Variants in DST observed in about 807,000 individuals in gnomAD.
The protein encoded by DST is dystonin.
DST carries 253 observed loss-of-function variants against 875.2 expected under a neutral mutation model. The observed-to-expected ratio is 0.29, with a 90% CI of 0.26 to 0.32. The LOEUF (loss-of-function observed/expected upper bound fraction) is 0.32. DST is among the 10% of genes least tolerant of loss of function. The pLI, the probability that DST is intolerant of heterozygous loss-of-function variation, is 1.00. For missense variants in DST, 8,287 were observed against 9,111.6 expected, an observed-to-expected ratio of 0.91 and a Z score of 3.68; for synonymous variants, 3,124 against 3,197.1, an observed-to-expected ratio of 0.98 and a Z score of 0.77.
intron 55 of DST, among the ~76,000 whole-genome samples, chr6:56,566,273 T>C (rs367621983): frequency 2.7e-4 from 41 of 152,304 alleles, no homozygotes; most frequent in Middle Eastern, 3.4e-3. Context: ...GCTAGCTTGG[T>C]GTCCGCCCAA....
intron 28 of DST, 144 bp from the exon 29 acceptor site, chr6:56,632,184 G>A: frequency 6.7e-6 from 4 of 597,956 alleles, no homozygotes; most frequent in Middle Eastern, 4.4e-4. Context: ...CCCATTCTAA[G>A]GATATAAATC....
At chr6:56,863,624 T>A (rs1296451435) in intron 3 of DST, among the ~76,000 whole-genome samples, 4 of 152,146 alleles carry the variant, frequency 2.6e-5, no homozygotes, top group African/African-American at 9.7e-5. Context: ...AAATATTGCT[T>A]GGGTGTTTTT....
chr6:56,843,006 C>T (rs757561983), intron 4 of DST: 37 of 1,347,894 alleles, frequency 2.7e-5, no homozygotes, highest in Non-Finnish European at 3.5e-5. Flanking sequence ...CAGCGGTTGC[C>T]TCTCTGATCA....
chr6:56,530,695 G>T (rs745866173), intron 64 of DST, among the ~76,000 whole-genome samples: 23 of 152,094 alleles, frequency 1.5e-4, no homozygotes, highest in Non-Finnish European at 2.9e-4. Flanking sequence ...ATATTTTATG[G>T]ATTAAAATAT....
chr6:56,515,441 C>G lies in DST; in HGVS notation c.18576+9G>C. ...GGGAATACAATATTCTCTTTCACACCAGGCTTACCCGATGTTCTTCCTGCT... is the reference window on the plus strand; with the variant it reads ...GGGAATACAATATTCTCTTTCACACGAGGCTTACCCGATGTTCTTCCTGCT... On this transcript the variant is annotated intron_variant, in intron 72 of 103. Transcript: ENST00000680361. 1 of 1,613,362 alleles carries G rather than the reference C, an allele frequency of 6.2e-7. No homozygotes were observed. The highest frequency in any genetic ancestry group is 8.5e-7 in the Non-Finnish European group (1 of 1,179,536).
intron 98 of DST, 87 bp downstream of exon 98, chr6:56,468,895 G>T: frequency 9.1e-7 from 1 of 1,098,822 alleles, no homozygotes; most frequent in Non-Finnish European, 1.3e-6. Context: ...GCATGGGAAA[G>T]ATTGGCCATG....
At chr6:56,630,405 T>C (rs755816759) in intron 30 of DST, 22 bp from the exon 31 acceptor site, 20 of 1,605,680 alleles carry the variant, frequency 1.2e-5, no homozygotes, top group Middle Eastern at 3.9e-4. Flanking sequence ...AATTAAACAA[T>C]AGCCACCTAT....
chr6:56,686,109 C>A (rs1012876888), intron 9 of DST, among the ~76,000 whole-genome samples: 2 of 152,194 alleles, frequency 1.3e-5, no homozygotes, highest in Non-Finnish European at 2.9e-5. Flanking sequence ...TAGAATACTA[C>A]ACAGCCATAA....
rs778084031 is a variant in DST, at chr6:56,605,804, C to G, written c.8824G>C (p.Asp2942His). 3.7e-6 allele frequency: 6 copies of G among 1,612,412 alleles called. No homozygotes were observed. In the Admixed American group the frequency reaches 6.7e-5, roughly 18 times the overall value. The change falls in exon 40 of 104, where the codon GAT becomes CAT. Residue 2942 changes from aspartate to histidine, a missense_variant. Asp to His is a moderately conservative substitution (Grantham distance 81). This residue lies in a region of DST where 3,138 missense variants were observed against 3,116.6 expected (regional missense o/e 1.01). Coordinates refer to ENST00000680361, the MANE Select transcript of DST (RefSeq NM_001374736.1). ...KTFGPASISH[D>H]NNNISSTSEL... ...GAAGTTGAACTGATATTATTATTAT[C>G]ATGTGAAATACTTGCAGGGCCAAAA...
Position 56,619,466 on chromosome 6 carries a change from C to A in DST, c.4930-4982G>T, listed in dbSNP as rs1445938212. The A allele has an allele frequency of 4.3e-6, 7 of 1,611,608 alleles. No individual in the cohort carries two copies. The highest frequency in any genetic ancestry group is 5.9e-6 in the Non-Finnish European group (7 of 1,179,550). On this transcript the variant is annotated intron_variant, in intron 36 of 103. Coordinates refer to ENST00000680361, the MANE Select transcript of DST (RefSeq NM_001374736.1). Reference sequence around the variant, plus strand: ...TTTTAGATGATCTGATTTTCTCTGGCAGATTTGTAGTCTTTCTAATTCTTT... The same window carrying A: ...TTTTAGATGATCTGATTTTCTCTGGAAGATTTGTAGTCTTTCTAATTCTTT...
chr6:56,907,365 C>A (rs539642805), intron 2 of DST, among the ~76,000 whole-genome samples: 2 of 152,300 alleles, frequency 1.3e-5, no homozygotes, highest in African/African-American at 4.8e-5. Context: ...AGGTTGAATT[C>A]TCAGACAACC....
chr6:56,925,647 T>C (rs1288109710), intron 2 of DST, among the ~76,000 whole-genome samples: 1 of 152,246 alleles, frequency 6.6e-6, no homozygotes, highest in Non-Finnish European at 1.5e-5. Flanking sequence ...GATTAGAATT[T>C]TTCCAGCAGC....
intron 3 of DST, among the ~76,000 whole-genome samples, chr6:56,878,405 G>T (rs1316886213): frequency 1.3e-5 from 2 of 152,176 alleles, no homozygotes; most frequent in Non-Finnish European, 2.9e-5. Context: ...TAAAAGGCAT[G>T]CTTGGCACTG....
intron 5 of DST, among the ~76,000 whole-genome samples, chr6:56,706,038 A>G: frequency 6.6e-6 from 1 of 152,216 alleles, no homozygotes. Context: ...CGCCATGCTC[A>G]GTGGCTCACA....
In DST at chr6:56,625,438, G is replaced by A. The variant is rs188144819; in HGVS notation, c.4723-174C>T. On this transcript the variant is annotated intron_variant, in intron 34 of 103. Coordinates refer to ENST00000680361, the MANE Select transcript of DST (RefSeq NM_001374736.1). The stretch of plus-strand genomic sequence containing the variant: ...ATTAAGTTTAAATAAAGAAAATATA[G>A]TCGTGTTTCACATGAAACATTTCAG... Among the ~76,000 whole-genome samples the A allele has an allele frequency of 2.0e-3, 310 of 152,214 alleles. 1 individual carries two copies. The highest frequency in any genetic ancestry group is 1.8e-3 in the Non-Finnish European group (122 of 67,996).
Position 56,555,384 on chromosome 6 carries a change from C to G in DST, c.15097G>C (p.Gly5033Arg), listed in dbSNP as rs1194879252. 6 of 1,605,862 alleles carry G rather than the reference C, an allele frequency of 3.7e-6. No homozygotes were observed. The highest frequency in any genetic ancestry group is 5.1e-6 in the Non-Finnish European group (6 of 1,175,414). The change falls in exon 60 of 104, where the codon GGC becomes CGC. Residue 5033 changes from glycine to arginine, a missense_variant. Gly to Arg is a moderately radical substitution (Grantham distance 125). Around this residue, in one of 10 missense-constraint regions of DST, gnomAD observed 1,513 missense variants for 1,677.8 expected, o/e 0.90. Transcript: ENST00000680361. ...ACATCCTTAAATGATTTTAAGATGC[C>G]TTCTAGTTGCCTACTAAGTTCTGCT... is the stretch of plus-strand genomic sequence containing the variant. The part of the protein sequence containing the change: ...LKAELSRQLE[G>R]ILKSFKDVEQ...
chr6:56,476,694 C>T (rs765288321), intron 91 of DST, among the ~76,000 whole-genome samples: 4 of 152,172 alleles, frequency 2.6e-5, no homozygotes, highest in African/African-American at 4.8e-5. Context: ...TGGTGGCTCA[C>T]GCCTGTAATC....
chr6:56,911,455 C>T (rs192290072), intron 2 of DST, among the ~76,000 whole-genome samples: 23 of 152,014 alleles, frequency 1.5e-4, no homozygotes, highest in Admixed American at 1.3e-3. Flanking sequence ...TATCAGGGGC[C>T]AGAAATCATA....
rs768240351 is a variant in DST, at chr6:56,603,845, T to C, written c.10783A>G (p.Thr3595Ala). 1.2e-5 allele frequency: 19 copies of C among 1,608,442 alleles called. No homozygotes were observed. The East Asian group carries it at 1.6e-4, about 13-fold the overall frequency. The change falls in exon 40 of 104, where the codon ACC becomes GCC. Residue 3595 changes from threonine (T) to alanine (A), a missense_variant. Physicochemically the swap from Thr to Ala is moderately conservative, Grantham distance 58. This residue lies in a region of DST where 3,138 missense variants were observed against 3,116.6 expected (regional missense o/e 1.01). Transcript: ENST00000680361. ...TGTATAGGTCAACTTACTTGTTCGG[T>C]TGAGCTATCTCCAGAAGCCATCTCT... ...SKEMASGDSSTEQFSSELQQC... is the reference protein window; with the variant it reads ...SKEMASGDSSAEQFSSELQQC...
Sources: allele counts gnomAD v4.1 joint callset (sites outside exome capture counted in the v4.1 genomes callset), GRCh38; gene constraint gnomAD v4.1.1; regional missense constraint gnomAD v4.1.1; transcripts MANE v1.5; gene names NCBI Gene and HGNC (gene_info 2026-07-23, HGNC 2026-07-21).